Variants in DCAF10 observed in about 807,000 individuals in gnomAD.
DCAF10 encodes the protein DDB1- and CUL4-associated factor 10.
Under a neutral mutation model 51.9 loss-of-function variants are expected in DCAF10, and 19 were observed. The ratio of observed to expected loss-of-function variants is 0.37; its 90% CI spans 0.26 to 0.54. The LOEUF is 0.54. Among genes scored for constraint, DCAF10 ranks in the 20% least tolerant of loss-of-function variants. The probability of loss-of-function intolerance (pLI) is 0.87; values close to 1 mark genes in which losing one functional copy is unlikely to be tolerated. For missense variants in DCAF10, 510 were observed against 730.6 expected, an observed-to-expected ratio of 0.70 and a Z score of 3.48; for synonymous variants, 291 against 297.1, an observed-to-expected ratio of 0.98 and a Z score of 0.21.
At chr9:37,808,449 A>C (rs950670486) in intron 1 of DCAF10, among the ~76,000 whole-genome samples, 2 of 113,924 alleles carry the variant, frequency 1.8e-5, no homozygotes, top group Non-Finnish European at 3.9e-5. Flanking sequence ...TATTATGTAA[A>C]AGTATATTAT....
At chr9:37,804,439 T>G (rs2381730) in intron 1 of DCAF10, among the ~76,000 whole-genome samples, 18,329 of 151,986 alleles carry the variant, frequency 0.12, 1,335 homozygotes, top group Non-Finnish European at 0.16. Context: ...TCTAGACATA[T>G]TGTAGTGAAA....
chr9:37,810,211 A>G (rs1803435961), intron 1 of DCAF10, among the ~76,000 whole-genome samples: 1 of 152,196 alleles, frequency 6.6e-6, no homozygotes, highest in African/African-American at 2.4e-5. Flanking sequence ...TGTTTGGACC[A>G]AACTTCCAAC....
At chr9:37,852,965 T>TATATATAA (rs1281431404) in intron 3 of DCAF10, among the ~76,000 whole-genome samples, 279 of 100,956 alleles carry the variant, frequency 2.8e-3, no homozygotes, top group African/African-American at 8.1e-3. Flanking sequence ...TATATATATA[T>TATATATAA]AAATTAGCTT....
At chr9:37,833,832 G>A (rs1028636117) in intron 2 of DCAF10, among the ~76,000 whole-genome samples, 1 of 152,252 alleles carries the variant, frequency 6.6e-6, no homozygotes, top group South Asian at 2.1e-4. Context: ...TTTGTCTAAC[G>A]CTACATTCTC....
At chr9:37,849,011 G>C (rs1182918049) in intron 3 of DCAF10, among the ~76,000 whole-genome samples, 1 of 150,336 alleles carries the variant, frequency 6.7e-6, no homozygotes, top group East Asian at 2.0e-4. Context: ...CACCTAAAAT[G>C]AGTGAGTTTT....
intron 2 of DCAF10, among the ~76,000 whole-genome samples, chr9:37,828,963 A>G: frequency 6.6e-6 from 1 of 152,264 alleles, no homozygotes; most frequent in Non-Finnish European, 1.5e-5. Flanking sequence ...TACAAAAAGC[A>G]TAAATCATTA....
intron 3 of DCAF10, among the ~76,000 whole-genome samples, chr9:37,850,835 T>C (rs1830618386): frequency 9.5e-5 from 1 of 10,482 alleles, no homozygotes; most frequent in Non-Finnish European, 2.0e-4. Flanking sequence ...TTTATATATA[T>C]ATATATATAT....
chr9:37,813,884 G>A (rs1829427130), intron 1 of DCAF10, among the ~76,000 whole-genome samples: 1 of 151,634 alleles, frequency 6.6e-6, no homozygotes, highest in African/African-American at 2.4e-5. Flanking sequence ...TGCAATTGCA[G>A]CTGAAGCCAT....
At chr9:37,808,758 T>A (rs945859798) in intron 1 of DCAF10, among the ~76,000 whole-genome samples, 2 of 130,732 alleles carry the variant, frequency 1.5e-5, no homozygotes, top group African/African-American at 5.7e-5. Flanking sequence ...ATACATAAAA[T>A]ATATATTTAT....
At chr9:37,849,223 C>T (rs565938899) in intron 3 of DCAF10, among the ~76,000 whole-genome samples, 5 of 151,416 alleles carry the variant, frequency 3.3e-5, no homozygotes, top group South Asian at 4.2e-4. Flanking sequence ...GTGGGTGAAG[C>T]GGGGGAGGGT....
chr9:37,835,899 T>A, intron 2 of DCAF10: 2 of 1,167,908 alleles, frequency 1.7e-6, no homozygotes, highest in South Asian at 2.4e-5. Context: ...CGTGTAGGTT[T>A]GAAAACTGTA....
intron 3 of DCAF10, among the ~76,000 whole-genome samples, chr9:37,846,940 C>G (rs1830490838): frequency 6.6e-6 from 1 of 152,026 alleles, no homozygotes; most frequent in Non-Finnish European, 1.5e-5. Context: ...GATACCAAAA[C>G]CAGACAGACA....
chr9:37,828,122 AAGCG>A (rs1257623438), intron 2 of DCAF10, among the ~76,000 whole-genome samples: 6 of 152,112 alleles, frequency 3.9e-5, no homozygotes, highest in Non-Finnish European at 7.4e-5. Context: ...TGCTGACCTC[AAGCG>A]ATCCTCCCAC....
chr9:37,842,177 AC>A lies in DCAF10; in HGVS notation c.743del (p.Thr248IlefsTer9). On this transcript the variant is annotated frameshift_variant, in exon 3 of 7. Transcript: ENST00000377724. LOFTEE classifies it high-confidence loss of function. ...GAGAAAATTGAACACCAAAGTATGCACTTTACATGGTCACACTAGCTGGGTG... is the reference window on the plus strand; with the variant it reads ...GAGAAAATTGAACACCAAAGTATGCATTTACATGGTCACACTAGCTGGGTG... ...DLRKLNTKVC[T>X]LHGHTSWVKN... 1 of 1,614,018 alleles carries A rather than the reference AC, an allele frequency of 6.2e-7. No individual in the cohort carries two copies. Among genetic ancestry groups the A allele is most frequent in the Non-Finnish European group, 8.5e-7 (1 of 1,179,944 alleles).
chr9:37,839,608 C>T (rs1830274512), intron 2 of DCAF10, among the ~76,000 whole-genome samples: 1 of 152,036 alleles, frequency 6.6e-6, no homozygotes, highest in Non-Finnish European at 1.5e-5. Context: ...ATAATGTATT[C>T]CCTAGTCATC....
At chr9:37,830,054 G>T (rs1420083609) in intron 2 of DCAF10, among the ~76,000 whole-genome samples, 1 of 151,666 alleles carries the variant, frequency 6.6e-6, no homozygotes, top group Non-Finnish European at 1.5e-5. Flanking sequence ...TGGACACGGA[G>T]GTATATGAAG....
intron 2 of DCAF10, among the ~76,000 whole-genome samples, chr9:37,820,470 T>C (rs1041182593): frequency 3.9e-5 from 6 of 152,166 alleles, no homozygotes; most frequent in East Asian, 1.9e-4. Context: ...TTGGTTAAAA[T>C]ATCTGTCTTA....
intron 2 of DCAF10, among the ~76,000 whole-genome samples, chr9:37,822,975 G>A (rs1829750843): frequency 6.6e-6 from 1 of 151,678 alleles, no homozygotes; most frequent in South Asian, 2.1e-4. Flanking sequence ...CTTATAAAAA[G>A]AAAGAAAAAG....
intron 3 of DCAF10, among the ~76,000 whole-genome samples, chr9:37,852,314 G>A (rs1830678545): frequency 6.6e-6 from 1 of 152,150 alleles, no homozygotes; most frequent in Non-Finnish European, 1.5e-5. Flanking sequence ...AAGATGAGTT[G>A]AGCTGGGCAT....
Sources: allele counts gnomAD v4.1 joint callset (sites outside exome capture counted in the v4.1 genomes callset), GRCh38; gene constraint gnomAD v4.1.1; transcripts MANE v1.5; gene names NCBI Gene and HGNC (gene_info 2026-07-23, HGNC 2026-07-21).